STK32B: variants seen among roughly 807,000 people sequenced by gnomAD.
STK32B encodes the protein serine/threonine kinase 32B.
Under a neutral mutation model 52.6 loss-of-function variants are expected in STK32B, and 43 were observed. The ratio of observed to expected loss-of-function variants is 0.82; its 90% CI spans 0.64 to 1.05. The LOEUF is 1.05. Ranked by LOEUF, STK32B falls within the 50% of genes least tolerant of loss-of-function variation. The pLI, the probability that STK32B is intolerant of heterozygous loss-of-function variation, is 0.00. For synonymous variants in STK32B, 238 were observed against 204.3 expected (o/e 1.17, Z -1.41); for missense variants, 621 against 534.6 (o/e 1.16, Z -1.59).
intron 3 of STK32B, among the ~76,000 whole-genome samples, chr4:5,303,423 G>A (rs191870109): frequency 1.3e-5 from 2 of 151,974 alleles, no homozygotes; most frequent in Non-Finnish European, 2.9e-5. Flanking sequence ...TTACACTTCT[G>A]TGATAATTAG....
At chr4:5,471,540 T>C (rs1717854845) in intron 11 of STK32B, among the ~76,000 whole-genome samples, 1 of 152,082 alleles carries the variant, frequency 6.6e-6, no homozygotes, top group African/African-American at 2.4e-5. Flanking sequence ...CCTCTAGAGC[T>C]ATGGGGAATA....
At chr4:5,421,528 T>G (rs1712647899) in intron 6 of STK32B, among the ~76,000 whole-genome samples, 1 of 152,228 alleles carries the variant, frequency 6.6e-6, no homozygotes, top group South Asian at 2.1e-4. Context: ...CCTGGCCAAG[T>G]TCAAGGCAGT....
chr4:5,177,267 G>A (rs1013584378), intron 3 of STK32B, among the ~76,000 whole-genome samples: 2 of 152,186 alleles, frequency 1.3e-5, no homozygotes, highest in African/African-American at 4.8e-5. Flanking sequence ...TCACAGGGCA[G>A]CAGGATGGAG....
At chr4:5,263,722 T>C (rs1726877205) in intron 3 of STK32B, among the ~76,000 whole-genome samples, 1 of 152,210 alleles carries the variant, frequency 6.6e-6, no homozygotes, top group African/African-American at 2.4e-5. Flanking sequence ...TTGATCAGTT[T>C]TGAGAAAGGA....
intron 3 of STK32B, among the ~76,000 whole-genome samples, chr4:5,311,829 A>G (rs1730306306): frequency 6.6e-6 from 1 of 151,980 alleles, no homozygotes; most frequent in Admixed American, 6.6e-5. Flanking sequence ...AGAGAATTCT[A>G]TCAAACGTTT....
chr4:5,023,798 T>G, the STK32B span, among the ~76,000 whole-genome samples: 1 of 152,194 alleles, frequency 6.6e-6, no homozygotes, highest in Non-Finnish European at 1.5e-5. Flanking sequence ...ATCTTGCTCC[T>G]CCTTGTTTCA....
At chr4:5,183,743 T>G (rs1720531498) in intron 3 of STK32B, among the ~76,000 whole-genome samples, 1 of 152,228 alleles carries the variant, frequency 6.6e-6, no homozygotes, top group Non-Finnish European at 1.5e-5. Context: ...TCTAAGTAAC[T>G]TGCTACAGCT....
intron 3 of STK32B, among the ~76,000 whole-genome samples, chr4:5,314,281 A>G (rs777721561): frequency 7.2e-5 from 11 of 152,338 alleles, no homozygotes; most frequent in Admixed American, 4.6e-4. Context: ...TTCAAAAGCA[A>G]TATCATGAAG....
At chr4:5,040,394 T>A in the STK32B span, among the ~76,000 whole-genome samples, 75 of 42,854 alleles carry the variant, frequency 1.8e-3, no homozygotes, top group Admixed American at 0.017. Flanking sequence ...TAGAATTTTT[T>A]TTTTTTTTTT....
rs1478190543 is a variant in STK32B, at chr4:5,481,154, C to T, written c.1106+13084C>T. 4.6e-5 allele frequency among the ~76,000 whole-genome samples: 7 copies of T among 152,192 alleles called. No individual in the cohort carries two copies. In the East Asian group the frequency reaches 7.7e-4, roughly 17 times the overall value. ...CTAGTTCTAGATCCCTGAGGAATCGCGACACTGACTTGCACAATGGTTGAA... is the reference window on the plus strand; with the variant it reads ...CTAGTTCTAGATCCCTGAGGAATCGTGACACTGACTTGCACAATGGTTGAA... On this transcript the variant is annotated intron_variant, in intron 11 of 11. Transcript: ENST00000282908.
intron 4 of STK32B, among the ~76,000 whole-genome samples, chr4:5,334,144 T>G (rs1341759147): frequency 6.6e-6 from 1 of 151,968 alleles, no homozygotes; most frequent in Non-Finnish European, 1.5e-5. Flanking sequence ...GTATCCTCTT[T>G]TATTTCATTG....
chr4:5,301,395 G>A (rs1011111940), intron 3 of STK32B, among the ~76,000 whole-genome samples: 1 of 151,660 alleles, frequency 6.6e-6, no homozygotes, highest in Non-Finnish European at 1.5e-5. Context: ...TCTGAGTCTG[G>A]GCTTTACTCT....
chr4:5,041,201 T>C, the STK32B span, among the ~76,000 whole-genome samples: 18,599 of 152,212 alleles, frequency 0.12, 1,343 homozygotes, highest in Middle Eastern at 0.23. Context: ...TTTAAAGAGC[T>C]GTGACAGATT....
chr4:5,496,049 A>C (rs997177543), intron 11 of STK32B, among the ~76,000 whole-genome samples: 8 of 152,242 alleles, frequency 5.3e-5, no homozygotes, highest in African/African-American at 1.9e-4. Context: ...TTGAGGAGGC[A>C]GTCTGCCTGT....
rs1742085107 is a variant in STK32B, at chr4:5,058,273, C to G, written c.52+6358C>G. Among the ~76,000 whole-genome samples, 4 of 152,342 alleles carry G rather than the reference C, an allele frequency of 2.6e-5. No homozygotes were observed. The highest frequency in any genetic ancestry group is 9.6e-5 in the African/African-American group (4 of 41,580). On this transcript the variant is annotated intron_variant, in intron 1 of 11. Coordinates refer to ENST00000282908, the MANE Select transcript of STK32B (RefSeq NM_018401.3). This position sits in a 1 kb window ranked among gnomAD's most constrained non-coding sequence, Gnocchi z 4.8. ...CCCCTTTACTTTTCATGCACACACA[C>G]AAAATTATACCTCCTTGTCCCCTTG...
At chr4:5,322,419 A>T (rs145426459) in intron 3 of STK32B, among the ~76,000 whole-genome samples, 2 of 152,234 alleles carry the variant, frequency 1.3e-5, no homozygotes, top group East Asian at 3.9e-4. Flanking sequence ...CGGAGGTCAG[A>T]TGGAATGGAA....
chr4:5,316,248 A>AT lies in STK32B; in HGVS notation c.261-14971dup, dbSNP rs1730703169. On this transcript the variant is annotated intron_variant, in intron 3 of 11. Coordinates refer to ENST00000282908, the MANE Select transcript of STK32B (RefSeq NM_018401.3). ...TTATATATACAATATTATATATTGT[A>AT]TATATAATATATTATATAGTATATA... 4.2e-5 allele frequency among the ~76,000 whole-genome samples: 3 copies of AT among 72,224 alleles called. 1 individual carries two copies. In the South Asian group the frequency reaches 1.0e-3, roughly 24 times the overall value. 47.4% of individuals were successfully genotyped at this position (72,224 alleles called of 152,430 possible). A position where few individuals can be genotyped will look rare whatever the true frequency, so the allele number is the denominator to read the frequency against.
intron 3 of STK32B, among the ~76,000 whole-genome samples, chr4:5,244,481 G>A (rs1279169028): frequency 1.3e-5 from 2 of 151,888 alleles, no homozygotes; most frequent in Non-Finnish European, 2.9e-5. Context: ...TTCTTTATTA[G>A]TCTTGCTAGT....
chr4:5,335,074 C>G (rs1231633173), intron 4 of STK32B, among the ~76,000 whole-genome samples: 5 of 152,108 alleles, frequency 3.3e-5, no homozygotes, highest in Non-Finnish European at 7.3e-5. Flanking sequence ...CCTTGTACCT[C>G]TGGTAGAATT....
Sources: allele counts gnomAD v4.1 joint callset (sites outside exome capture counted in the v4.1 genomes callset), GRCh38; gene constraint gnomAD v4.1.1; non-coding constraint Gnocchi (gnomAD v3.1); transcripts MANE v1.5; gene names NCBI Gene and HGNC (gene_info 2026-07-23, HGNC 2026-07-21).